Variants in SPAG16 observed in about 807,000 individuals in gnomAD.
SPAG16 encodes the protein sperm associated antigen 16.
Under a neutral mutation model 80.4 loss-of-function variants are expected in SPAG16, and 86 were observed. That is an observed-to-expected ratio of 1.07 (90% CI 0.90 to 1.28). The LOEUF (loss-of-function observed/expected upper bound fraction) is 1.28. Among genes scored for constraint, SPAG16 ranks in the 50% most tolerant of loss-of-function variants. The pLI, the probability that SPAG16 is intolerant of heterozygous loss-of-function variation, is 0.00. For missense variants in SPAG16, 870 were observed against 765.3 expected (o/e 1.14, Z -1.61); for synonymous variants, 294 against 265.9 (o/e 1.11, Z -1.03).
chr2:213,744,693 T>C (rs2067734055), intron 10 of SPAG16, among the ~76,000 whole-genome samples: 2 of 152,264 alleles, frequency 1.3e-5, no homozygotes, highest in Admixed American at 1.3e-4. Context: ...GGTTAATCAT[T>C]AAGGGATGGA....
At chr2:214,020,364 C>A (rs184769292) in intron 13 of SPAG16, among the ~76,000 whole-genome samples, 5 of 152,022 alleles carry the variant, frequency 3.3e-5, no homozygotes, top group Admixed American at 6.6e-5. Context: ...TATATATACA[C>A]CTGAAATAAA....
chr2:213,322,967 G>C (rs1010928658), intron 5 of SPAG16, among the ~76,000 whole-genome samples: 1 of 152,134 alleles, frequency 6.6e-6, no homozygotes, highest in Non-Finnish European at 1.5e-5. Context: ...AGTGGTAGAG[G>C]CCTTTGCTAG....
intron 13 of SPAG16, among the ~76,000 whole-genome samples, chr2:214,038,953 T>C (rs528520457): frequency 6.6e-6 from 1 of 152,256 alleles, no homozygotes; most frequent in East Asian, 1.9e-4. Flanking sequence ...TGACGGACAT[T>C]TGGGTTGGTT....
intron 15 of SPAG16, among the ~76,000 whole-genome samples, chr2:214,386,896 A>G (rs1352374331): frequency 6.9e-6 from 1 of 145,496 alleles, no homozygotes; most frequent in Non-Finnish European, 1.5e-5. Context: ...ACAACTATGA[A>G]ATAGGGAGAA....
intron 9 of SPAG16, among the ~76,000 whole-genome samples, chr2:213,432,351 A>G (rs1331760012): frequency 6.6e-6 from 1 of 152,140 alleles, no homozygotes; most frequent in East Asian, 1.9e-4. Context: ...AGCTAGATTA[A>G]CCAAGAAAAG....
intron 10 of SPAG16, among the ~76,000 whole-genome samples, chr2:213,500,639 T>C (rs2074701096): frequency 6.6e-6 from 1 of 152,174 alleles, no homozygotes; most frequent in South Asian, 2.1e-4. Context: ...AACCTAGAGA[T>C]CCAATTATTG....
intron 10 of SPAG16, among the ~76,000 whole-genome samples, chr2:213,629,387 G>A (rs148765374): frequency 1.3e-5 from 2 of 152,278 alleles, no homozygotes; most frequent in Non-Finnish European, 2.9e-5. Context: ...GAATTAAAAT[G>A]TGAATAATAG....
intron 9 of SPAG16, 113 bp downstream of exon 9, chr2:213,375,232 T>C: frequency 1.3e-6 from 1 of 760,700 alleles, no homozygotes; most frequent in Non-Finnish European, 2.1e-6. Flanking sequence ...AGGTTATATA[T>C]TCCGGGCTGC....
At position 213,806,133 on chromosome 2, in the gene SPAG16, A is replaced by G. The variant is rs78800361; in HGVS notation, c.1071-56352A>G. 9.0e-3 allele frequency among the ~76,000 whole-genome samples: 1,377 copies of G among 152,312 alleles called. 25 individuals carry two copies. Among genetic ancestry groups the G allele is most frequent in the African/African-American group, 0.03 (1,249 of 41,568 alleles). On this transcript the variant is annotated intron_variant, in intron 10 of 15. Coordinates refer to ENST00000331683, the MANE Select transcript of SPAG16 (RefSeq NM_024532.5). The stretch of plus-strand genomic sequence containing the variant: ...TTAATGTGCTCAGCACACACATATC[A>G]ATGTTCCAATAAATACTAGAGAGCA...
chr2:213,602,627 C>T lies in SPAG16; in HGVS notation c.1070+112537C>T, dbSNP rs1462483063. Among the ~76,000 whole-genome samples, 15 of 152,294 alleles carry T rather than the reference C, an allele frequency of 9.8e-5. 1 individual carries two copies. The highest frequency in any genetic ancestry group is 1.9e-4 in the African/African-American group (8 of 41,556). The stretch of plus-strand genomic sequence containing the variant: ...CCAGCCTGGCAACAGAGCGAGACTC[C>T]GTCTCACAAAACAAAAAAGCAACAA... On this transcript the variant is annotated intron_variant, in intron 10 of 15. Transcript: ENST00000331683.
chr2:214,319,856 G>A (rs1390345935), intron 15 of SPAG16, among the ~76,000 whole-genome samples: 2 of 152,166 alleles, frequency 1.3e-5, no homozygotes, highest in African/African-American at 4.8e-5. Flanking sequence ...TACTGCAGTG[G>A]TAAATTAACA....
At chr2:213,948,886 C>CT (rs1323765960) in intron 12 of SPAG16, among the ~76,000 whole-genome samples, 4 of 152,224 alleles carry the variant, frequency 2.6e-5, no homozygotes, top group East Asian at 1.9e-4. Flanking sequence ...ATACTCTTCT[C>CT]TTTTTTAAAA....
At chr2:213,506,165 C>T (rs2074959059) in intron 10 of SPAG16, among the ~76,000 whole-genome samples, 1 of 151,954 alleles carries the variant, frequency 6.6e-6, no homozygotes, top group African/African-American at 2.4e-5. Flanking sequence ...TAAACTAAAT[C>T]TATTTAAGTG....
chr2:214,043,468 C>T (rs938557688), intron 13 of SPAG16, among the ~76,000 whole-genome samples: 2 of 152,170 alleles, frequency 1.3e-5, no homozygotes, highest in African/African-American at 4.8e-5. Context: ...TAATCAATTT[C>T]AGGCAAGCTG....
intron 15 of SPAG16, among the ~76,000 whole-genome samples, chr2:214,349,325 C>T (rs1232663827): frequency 6.6e-6 from 1 of 152,204 alleles, no homozygotes; most frequent in Non-Finnish European, 1.5e-5. Flanking sequence ...TTGCCTAAAA[C>T]AATTTCATAT....
At chr2:213,829,632 A>G (rs1274485475) in intron 10 of SPAG16, among the ~76,000 whole-genome samples, 1 of 152,058 alleles carries the variant, frequency 6.6e-6, no homozygotes, top group East Asian at 1.9e-4. Context: ...AGTGCATCTC[A>G]GAATCTCACC....
intron 5 of SPAG16, among the ~76,000 whole-genome samples, chr2:213,324,031 C>G (rs141203259): frequency 6.6e-6 from 1 of 152,246 alleles, no homozygotes; most frequent in East Asian, 1.9e-4. Context: ...AAACAAAAAT[C>G]AGTGCTACAG....
At chr2:213,462,930 G>T (rs1170764222) in intron 9 of SPAG16, among the ~76,000 whole-genome samples, 4 of 152,200 alleles carry the variant, frequency 2.6e-5, no homozygotes, top group East Asian at 3.8e-4. Context: ...AATAGGCAAA[G>T]GTTGAAACAG....
At chr2:214,267,587 C>A (rs552814814) in intron 15 of SPAG16, among the ~76,000 whole-genome samples, 3 of 151,622 alleles carry the variant, frequency 2.0e-5, no homozygotes, top group Non-Finnish European at 4.4e-5. Flanking sequence ...ATTGACTGGT[C>A]TGGGCAATGA....
Sources: gnomAD v4.1 joint callset for allele counts (sites outside exome capture counted in the v4.1 genomes callset) on GRCh38, gnomAD v4.1.1 for gene constraint, MANE v1.5 for transcripts, NCBI Gene and HGNC (gene_info 2026-07-23, HGNC 2026-07-21) for gene names.